ONECUT1: variants seen among roughly 807,000 people sequenced by gnomAD.
The protein encoded by ONECUT1 is one cut homeobox 1.
Under a neutral mutation model 25.6 loss-of-function variants are expected in ONECUT1, and 12 were observed. The observed-to-expected ratio is 0.47, with a 90% CI of 0.30 to 0.76. ONECUT1 has a LOEUF of 0.76. Among genes scored for constraint, ONECUT1 ranks in the 30% least tolerant of loss-of-function variants. ONECUT1 has a pLI of 0.07. For synonymous variants in ONECUT1, 285 were observed against 270.2 expected (o/e 1.05, Z -0.54); for missense variants, 620 against 651.2 (o/e 0.95, Z 0.52).
intron 1 of ONECUT1, among the ~76,000 whole-genome samples, chr15:52,765,550 CAAAT>C (rs1268709688): frequency 6.7e-6 from 1 of 148,810 alleles, no homozygotes; most frequent in Non-Finnish European, 1.5e-5. Flanking sequence ...AGCGAGCACA[CAAAT>C]AAACAGATTT....
Position 52,757,088 on chromosome 15 carries a change from T to A in ONECUT1, c.*467A>T, listed in dbSNP as rs567140621. The A allele has an allele frequency of 6.3e-6, 1 of 157,992 alleles. No individual in the cohort carries two copies. The highest frequency in any genetic ancestry group is 1.9e-4 in the South Asian group (1 of 5,276). The allele number at this position is 157,992 out of a possible 1,614,324, so 9.8% of individuals were successfully genotyped here. ...AATGAACTCAGACAACCCCATACCA[T>A]GTTGGTTGCACTCCTATAGAACAAC... On this transcript the variant is annotated 3_prime_UTR_variant, in exon 2 of 2. Coordinates refer to ENST00000305901, the MANE Select transcript of ONECUT1 (RefSeq NM_004498.4).
chr15:52,770,407 G>A (rs1477283888), intron 1 of ONECUT1, among the ~76,000 whole-genome samples: 1 of 152,214 alleles, frequency 6.6e-6, no homozygotes, highest in Non-Finnish European at 1.5e-5. Flanking sequence ...TGGACATCTT[G>A]TTAAGACGAA....
rs1566992423 is a variant in ONECUT1 at position 52,777,739 on chromosome 15, A to ACACAC, written c.1105+11040_1105+11041insGTGTG. Among the ~76,000 whole-genome samples the ACACAC allele has an allele frequency of 2.8e-4, 32 of 116,056 alleles. 2 individuals are homozygous for ACACAC. Among genetic ancestry groups the ACACAC allele is most frequent in the African/African-American group, 1.4e-3 (28 of 20,586 alleles). The allele number at this position is 116,056 out of a possible 152,430, so 76.1% of individuals were successfully genotyped here. ...ACACACACACACACACACACACACA[A>ACACAC]AAAAACATGTAAAGTTATTTGTTCT... is the stretch of plus-strand genomic sequence containing the variant. On this transcript the variant is annotated intron_variant, in intron 1 of 1. Coordinates refer to ENST00000305901, the MANE Select transcript of ONECUT1 (RefSeq NM_004498.4).
chr15:52,768,645 G>A (rs1383310798), intron 1 of ONECUT1, among the ~76,000 whole-genome samples: 2 of 151,798 alleles, frequency 1.3e-5, no homozygotes, highest in East Asian at 1.9e-4. Flanking sequence ...AGATGTATAT[G>A]TTACTTTATA....
At position 52,756,451 on chromosome 15, in the gene ONECUT1, C is replaced by A. The variant is rs367880026; in HGVS notation, c.*1104G>T. ...TGAACAAATTTTCTAATTTAGTTACCCTCCCTGTTAAATTTAGTTTTCTAG... is the reference window on the plus strand; with the variant it reads ...TGAACAAATTTTCTAATTTAGTTACACTCCCTGTTAAATTTAGTTTTCTAG... On this transcript the variant is annotated 3_prime_UTR_variant, in exon 2 of 2. Transcript: ENST00000305901. Among the ~76,000 whole-genome samples, 3 of 151,948 alleles carry A rather than the reference C, an allele frequency of 2.0e-5. No individual in the cohort carries two copies. The highest frequency in any genetic ancestry group is 1.9e-4 in the East Asian group (1 of 5,194).
intron 1 of ONECUT1, among the ~76,000 whole-genome samples, chr15:52,764,882 C>T (rs2083725244): frequency 6.6e-6 from 1 of 152,224 alleles, no homozygotes; most frequent in African/African-American, 2.4e-5. Context: ...GGGTGTCTTG[C>T]CTGGATTTAG....
chr15:52,786,647 C>A (rs976094011), intron 1 of ONECUT1, among the ~76,000 whole-genome samples: 1 of 152,268 alleles, frequency 6.6e-6, no homozygotes, highest in East Asian at 1.9e-4. Flanking sequence ...CTCCCTCCCC[C>A]TCCACAGTGC....
intron 1 of ONECUT1, among the ~76,000 whole-genome samples, chr15:52,765,981 G>A (rs1282683366): frequency 6.6e-6 from 1 of 152,184 alleles, no homozygotes; most frequent in African/African-American, 2.4e-5. Flanking sequence ...GCAGAGGGAG[G>A]TGGAGCCCAA....
In ONECUT1 at chr15:52,788,482, C is replaced by T. The variant is rs1596059063; in HGVS notation, c.1105+298G>A. The T allele has an allele frequency of 5.2e-6, 2 of 384,550 alleles. No individual in the cohort carries two copies. Among genetic ancestry groups the T allele is most frequent in the Admixed American group, 4.0e-5 (1 of 25,162 alleles). 23.8% of individuals were successfully genotyped at this position (384,550 alleles called of 1,614,324 possible). A position where few individuals can be genotyped will look rare whatever the true frequency, so the allele number is the denominator to read the frequency against. ...CTCACCAGGTGCGGGGATTTCTCTC[C>T]GCCTCAGGCCGTACGAGCTTCCCTC... On this transcript the variant is annotated intron_variant, in intron 1 of 1. Transcript: ENST00000305901. The surrounding 1 kb of genome is among the most constrained non-coding windows in gnomAD (Gnocchi z 4.3).
chr15:52,766,798 C>G (rs1242643259), intron 1 of ONECUT1, among the ~76,000 whole-genome samples: 1 of 152,210 alleles, frequency 6.6e-6, no homozygotes, highest in Non-Finnish European at 1.5e-5. Flanking sequence ...ATTGGAGCCT[C>G]TCCCTGCCCC....
rs1467376092 is a variant in ONECUT1 at position 52,757,235 on chromosome 15, C to T, written c.*320G>A. ...AGTTCGATCTTAAAAGATGTCCGCT[C>T]AATGGCTCAAAATCACTATGCTCCA... On this transcript the variant is annotated 3_prime_UTR_variant, in exon 2 of 2. Transcript: ENST00000305901. 1 of 290,376 alleles carries T rather than the reference C, an allele frequency of 3.4e-6. No individual in the cohort carries two copies. Among genetic ancestry groups the T allele is most frequent in the Non-Finnish European group, 6.4e-6 (1 of 155,812 alleles). 18.0% of individuals were successfully genotyped at this position (290,376 alleles called of 1,614,324 possible).
At chr15:52,771,863 T>C (rs1270927774) in intron 1 of ONECUT1, among the ~76,000 whole-genome samples, 1 of 152,176 alleles carries the variant, frequency 6.6e-6, no homozygotes, top group Non-Finnish European at 1.5e-5. Context: ...TCAAGAGAAT[T>C]ACTCCATACT....
chr15:52,771,669 G>A lies in ONECUT1; in HGVS notation c.1106-13822C>T, dbSNP rs143859671. Reference sequence around the variant, plus strand: ...CACTAAATTTTTTTTTTTCATTTTTGTTCCATAGGTTATTGAGGTACAGGT... The same window carrying A: ...CACTAAATTTTTTTTTTTCATTTTTATTCCATAGGTTATTGAGGTACAGGT... On this transcript the variant is annotated intron_variant, in intron 1 of 1. Transcript: ENST00000305901. Among the ~76,000 whole-genome samples the A allele has an allele frequency of 9.8e-5, 14 of 142,148 alleles. No homozygotes were observed. The East Asian group carries it at 2.6e-3, about 27-fold the overall frequency. 93.3% of individuals were successfully genotyped at this position (142,148 alleles called of 152,430 possible).
intron 1 of ONECUT1, among the ~76,000 whole-genome samples, chr15:52,777,722 ACAC>A (rs1566992316): frequency 8.6e-6 from 1 of 116,028 alleles, no homozygotes; most frequent in East Asian, 3.0e-4. Context: ...ACACACACAC[ACAC>A]ACACACACAC....
chr15:52,770,367 C>A (rs372959108), intron 1 of ONECUT1, among the ~76,000 whole-genome samples: 21 of 152,244 alleles, frequency 1.4e-4, no homozygotes, highest in African/African-American at 4.6e-4. Flanking sequence ...AACCACTCCT[C>A]TAAATCAGTC....
chr15:52,787,300 G>C (rs547745686), intron 1 of ONECUT1, among the ~76,000 whole-genome samples: 5 of 152,116 alleles, frequency 3.3e-5, no homozygotes, highest in African/African-American at 9.7e-5. Flanking sequence ...CAGCCAGCGC[G>C]GTGCTTTGGG....
intron 1 of ONECUT1, among the ~76,000 whole-genome samples, chr15:52,771,133 T>C (rs1180928579): frequency 1.3e-5 from 2 of 152,160 alleles, no homozygotes; most frequent in African/African-American, 2.4e-5. Context: ...ATATTCATCA[T>C]AGATCCTTTT....
At chr15:52,771,186 A>T (rs1226061465) in intron 1 of ONECUT1, among the ~76,000 whole-genome samples, 1 of 152,136 alleles carries the variant, frequency 6.6e-6, no homozygotes, top group Non-Finnish European at 1.5e-5. Flanking sequence ...GAATTATGGT[A>T]AATTTGTGTG....
chr15:52,787,516 A>T (rs112780919), intron 1 of ONECUT1, among the ~76,000 whole-genome samples: 8 of 152,068 alleles, frequency 5.3e-5, no homozygotes, highest in African/African-American at 1.4e-4. Flanking sequence ...CTCGTTCTCC[A>T]GGGACGAATT....
Sources: gnomAD v4.1 joint callset for allele counts (sites outside exome capture counted in the v4.1 genomes callset) on GRCh38, gnomAD v4.1.1 for gene constraint, Gnocchi (gnomAD v3.1) non-coding constraint, MANE v1.5 for transcripts, NCBI Gene and HGNC (gene_info 2026-07-23, HGNC 2026-07-21) for gene names.